The following ASTN2 variants were observed in gnomAD, a reference collection of about 807,000 sequenced individuals.
ASTN2 encodes the protein astrotactin-2.
A neutral mutation model predicts 139.8 loss-of-function variants in ASTN2; 54 were observed. The ratio of observed to expected loss-of-function variants is 0.39; its 90% CI spans 0.31 to 0.48. ASTN2 has a LOEUF of 0.48. ASTN2 is among the 20% of genes least tolerant of loss of function. The probability of loss-of-function intolerance (pLI) is 0.95; values close to 1 mark genes in which losing one functional copy is unlikely to be tolerated. For synonymous variants in ASTN2, 756 were observed against 719.5 expected, an observed-to-expected ratio of 1.05 and a Z score of -0.81; for missense variants, 1,565 against 1,725.1, an observed-to-expected ratio of 0.91 and a Z score of 1.64.
At chr9:116,756,021 A>T (rs1251748481) in intron 13 of ASTN2, among the ~76,000 whole-genome samples, 1 of 152,222 alleles carries the variant, frequency 6.6e-6, no homozygotes, top group Non-Finnish European at 1.5e-5. Context: ...ACTGTGAGTG[A>T]ATACATGTGT....
intron 10 of ASTN2, among the ~76,000 whole-genome samples, chr9:116,919,940 CAAA>C (rs35192686): frequency 1.5e-4 from 19 of 128,824 alleles, no homozygotes; most frequent in Admixed American, 1.5e-4. Flanking sequence ...GAATCTGTCT[CAAA>C]AAAAAAAAAA....
chr9:116,871,270 TAAATA>T (rs896569871), intron 10 of ASTN2, among the ~76,000 whole-genome samples: 1 of 151,920 alleles, frequency 6.6e-6, no homozygotes, highest in African/African-American at 2.4e-5. Flanking sequence ...AATAAATAAA[TAAATA>T]AAATAAAATA....
At chr9:116,645,209 C>G (rs1857528652) in intron 17 of ASTN2, among the ~76,000 whole-genome samples, 1 of 152,152 alleles carries the variant, frequency 6.6e-6, no homozygotes, top group Non-Finnish European at 1.5e-5. Context: ...CTCTTTCACC[C>G]AGGAGCTAAG....
chr9:116,783,177 A>G (rs1274795432), intron 13 of ASTN2, among the ~76,000 whole-genome samples: 1 of 152,150 alleles, frequency 6.6e-6, no homozygotes, highest in Non-Finnish European at 1.5e-5. Flanking sequence ...AATTTTAGTC[A>G]GTGTAGCATA....
At chr9:116,643,106 G>C (rs1857418403) in intron 17 of ASTN2, among the ~76,000 whole-genome samples, 1 of 152,148 alleles carries the variant, frequency 6.6e-6, no homozygotes, top group Non-Finnish European at 1.5e-5. Context: ...GCATAATAGT[G>C]AATACTTCAA....
chr9:117,302,213 C>T (rs943506186), intron 1 of ASTN2, among the ~76,000 whole-genome samples: 4 of 152,052 alleles, frequency 2.6e-5, no homozygotes, highest in African/African-American at 7.2e-5. Context: ...CCCAGTGCCC[C>T]GTAAACCTTT....
intron 2 of ASTN2, among the ~76,000 whole-genome samples, chr9:117,217,023 A>T (rs1832344490): frequency 6.6e-6 from 1 of 152,190 alleles, no homozygotes; most frequent in Non-Finnish European, 1.5e-5. Context: ...AGCTGGATTC[A>T]AAGGGCCAGG....
At chr9:116,438,514 G>C (rs375272386) in intron 22 of ASTN2, among the ~76,000 whole-genome samples, 1 of 152,170 alleles carries the variant, frequency 6.6e-6, no homozygotes, top group Non-Finnish European at 1.5e-5. Context: ...TGTAGGCCGA[G>C]TTCCTCTAGG....
intron 4 of ASTN2, among the ~76,000 whole-genome samples, chr9:117,135,178 G>A (rs890571196): frequency 6.6e-6 from 1 of 152,188 alleles, no homozygotes; most frequent in Non-Finnish European, 1.5e-5. Flanking sequence ...TAAGAGTAGA[G>A]CTCAAGTCAT....
chr9:117,225,535 GTATATA>G (rs58184768), intron 2 of ASTN2, among the ~76,000 whole-genome samples: 1,514 of 63,952 alleles, frequency 0.024, 297 homozygotes, highest in Admixed American at 0.18. Context: ...CAAGCTGTAT[GTATATA>G]TATATATATA....
intron 3 of ASTN2, among the ~76,000 whole-genome samples, chr9:117,156,624 C>T (rs995329926): frequency 1.3e-5 from 2 of 151,912 alleles, no homozygotes; most frequent in African/African-American, 2.4e-5. Context: ...CTAGAGATTC[C>T]TAACTAAGGA....
intron 10 of ASTN2, among the ~76,000 whole-genome samples, chr9:116,952,138 T>C (rs1466276323): frequency 2.0e-5 from 3 of 152,224 alleles, no homozygotes; most frequent in African/African-American, 7.2e-5. Context: ...TAGTTTATTC[T>C]TAATGCTAGT....
intron 1 of ASTN2, among the ~76,000 whole-genome samples, chr9:117,394,043 G>T (rs1193404078): frequency 1.3e-5 from 2 of 152,148 alleles, no homozygotes; most frequent in East Asian, 1.9e-4. Flanking sequence ...AGCAACCCTT[G>T]GTGTCTTTTC....
At chr9:116,842,521 A>G (rs1300495668) in intron 11 of ASTN2, among the ~76,000 whole-genome samples, 1 of 151,470 alleles carries the variant, frequency 6.6e-6, no homozygotes, top group African/African-American at 2.4e-5. Context: ...CATATAAGTG[A>G]GTGGGAAAGG....
chr9:116,580,484 A>T (rs898045552), intron 19 of ASTN2, among the ~76,000 whole-genome samples: 3 of 152,118 alleles, frequency 2.0e-5, no homozygotes, highest in Non-Finnish European at 4.4e-5. Flanking sequence ...AGCCAGCAAA[A>T]AATCTTCCAG....
At chr9:116,980,971 A>G (rs1177908243) in intron 7 of ASTN2, among the ~76,000 whole-genome samples, 3 of 152,170 alleles carry the variant, frequency 2.0e-5, no homozygotes, top group Non-Finnish European at 2.9e-5. Flanking sequence ...GAACTCCTGT[A>G]TAGGGATAGG....
chr9:116,724,232 C>T (rs1049106936), intron 16 of ASTN2, among the ~76,000 whole-genome samples: 1 of 152,186 alleles, frequency 6.6e-6, no homozygotes, highest in Non-Finnish European at 1.5e-5. Flanking sequence ...TGATGTGTCA[C>T]ATTATTTGTA....
Position 116,426,011 on chromosome 9 carries a change from T to C in ASTN2, c.3860A>G (p.Gln1287Arg). The C allele has an allele frequency of 6.2e-7, 1 of 1,614,162 alleles. No homozygotes were observed. The highest frequency in any genetic ancestry group is 8.5e-7 in the Non-Finnish European group (1 of 1,180,028). Residue 1287 changes from glutamine to arginine, a missense_variant, in exon 23 of 23, where the codon CAG becomes CGG. By Grantham distance (43) the Gln-to-Arg change is conservative (BLOSUM62 1). This residue lies in a region of ASTN2 where 418 missense variants were observed against 465.8 expected (regional missense o/e 0.90). Transcript: ENST00000313400. ...ATAGGGCACTGTTTCCACGCGGCTC[T>C]GGATGTAGGCACTCCGCAGGAGGCT... ...CSSLLRSAYIQSRVETVPYLF... is the reference protein window; with the variant it reads ...CSSLLRSAYIRSRVETVPYLF...
intron 20 of ASTN2, among the ~76,000 whole-genome samples, chr9:116,477,194 C>T (rs1485748978): frequency 2.0e-5 from 3 of 152,092 alleles, no homozygotes; most frequent in Non-Finnish European, 2.9e-5. Flanking sequence ...CACTGTCTGT[C>T]GGCTGAAAAA....
Sources: allele counts gnomAD v4.1 joint callset (sites outside exome capture counted in the v4.1 genomes callset), GRCh38; gene constraint gnomAD v4.1.1; regional missense constraint gnomAD v4.1.1; transcripts MANE v1.5; gene names NCBI Gene and HGNC (gene_info 2026-07-23, HGNC 2026-07-21).